The following SAGE1 variants were observed in gnomAD, a reference collection of about 807,000 sequenced individuals.
SAGE1 encodes the protein cancer/testis antigen 14.
A neutral mutation model predicts 55.4 loss-of-function variants in SAGE1; 55 were observed. That is an observed-to-expected ratio of 0.99 (90% CI 0.80 to 1.24). The LOEUF is 1.24. Among genes scored for constraint, SAGE1 ranks in the 50% most tolerant of loss-of-function variants. The probability of loss-of-function intolerance (pLI) is 0.00; values close to 1 mark genes in which losing one functional copy is unlikely to be tolerated. For missense variants in SAGE1, 710 were observed against 704.4 expected, an observed-to-expected ratio of 1.01 and a Z score of -0.09; for synonymous variants, 240 against 244.3, an observed-to-expected ratio of 0.98 and a Z score of 0.17.
At chrX:135,909,434 A>AC in intron 13 of SAGE1, among the ~76,000 whole-genome samples, 1 of 111,493 alleles carries the variant, frequency 9.0e-6, no homozygotes, top group Non-Finnish European at 1.9e-5. Context: ...CTTGACTTCC[A>AC]TACGCATGCA....
intron 8 of SAGE1, 83 bp downstream of exon 8, chrX:135,907,149 T>C: frequency 1.8e-6 from 2 of 1,081,171 alleles, no homozygotes; most frequent in Non-Finnish European, 2.5e-6. Context: ...GAGGTTTTGT[T>C]GTATCATCTA....
rs1556607217 is a variant in SAGE1, at chrX:135,912,885, G to A, written c.2703G>A (p.Met901Ile). The A allele has an allele frequency of 1.7e-6, 2 of 1,184,528 alleles. No individual in the cohort carries two copies. Among genetic ancestry groups the A allele is most frequent in the South Asian group, 3.6e-5 (2 of 55,810 alleles). Residue 901 changes from methionine (M) to isoleucine (I), a missense_variant, in exon 20 of 20, where the codon ATG becomes ATA. Physicochemically the swap from Met to Ile is conservative, Grantham distance 10. Transcript: ENST00000370709. Reference sequence around the variant, plus strand: ...GCCATCTCAGAAAAGTTAAGCACATGAGAAAAAGATAATTGTGTTAGTGCA... The same window carrying A: ...GCCATCTCAGAAAAGTTAAGCACATAAGAAAAAGATAATTGTGTTAGTGCA... The part of the protein sequence containing the change: ...SHCHLRKVKH[M>I]RKR
chrX:135,909,622 CT>C lies in SAGE1; in HGVS notation c.1583-14del. The C allele has an allele frequency of 8.4e-7, 1 of 1,190,098 alleles. No homozygotes were observed. Among genetic ancestry groups the C allele is most frequent in the African/African-American group, 1.7e-5 (1 of 57,374 alleles). ...ATGCACTTACGTCACAAGTCAACCT[CT>C]TTATTTGGTTTCCAGATGCTACCGT... On this transcript the variant is annotated splice_polypyrimidine_tract_variant and intron_variant, in intron 13 of 19. Transcript: ENST00000370709.
rs782697750 is a variant in SAGE1, at chrX:135,911,702, C to A, written c.2270C>A (p.Pro757His). ...AATATGACAGGACATTGTATGCCAC[C>A]CAATGCATTGGATTCTTTCTCTCAC... ...LINMTGHCMPPNALDSFSHDF... is the reference protein window; with the variant it reads ...LINMTGHCMPHNALDSFSHDF... Residue 757 changes from proline (P) to histidine (H), a missense_variant, in exon 18 of 20, where the codon CCC (proline) becomes CAC (histidine). Coordinates refer to ENST00000370709, the MANE Select transcript of SAGE1 (RefSeq NM_001381902.1). 8.3e-7 allele frequency: 1 copy of A among 1,205,739 alleles called. No individual in the cohort carries two copies. Among genetic ancestry groups the A allele is most frequent in the Admixed American group, 2.2e-5 (1 of 46,019 alleles).
At chrX:135,898,150 T>C (rs1461231560) in intron 2 of SAGE1, among the ~76,000 whole-genome samples, 2 of 111,579 alleles carry the variant, frequency 1.8e-5, no homozygotes, top group African/African-American at 6.5e-5. Context: ...CCCGAGTAGC[T>C]GGTACTGCAA....
chrX:135,909,631 G>C lies in SAGE1; in HGVS notation c.1583-8G>C, dbSNP rs782735606. On this transcript the variant is annotated splice_region_variant and splice_polypyrimidine_tract_variant and intron_variant, in intron 13 of 19. Transcript: ENST00000370709. The stretch of plus-strand genomic sequence containing the variant: ...CGTCACAAGTCAACCTCTTTATTTG[G>C]TTTCCAGATGCTACCGTCACTCAAA... 4.2e-6 allele frequency: 5 copies of C among 1,189,849 alleles called. No homozygotes were observed. The highest frequency in any genetic ancestry group is 4.5e-6 in the Non-Finnish European group (4 of 885,220).
At chrX:135,903,772 TTATCA>T (rs2088726042) in intron 3 of SAGE1, among the ~76,000 whole-genome samples, 1 of 110,373 alleles carries the variant, frequency 9.1e-6, no homozygotes, top group Non-Finnish European at 1.9e-5. Flanking sequence ...CAAGTGAGAA[TTATCA>T]TCTTGCTGCC....
Position 135,907,304 on chromosome X carries a change from G to T in SAGE1, c.878-9G>T. The T allele has an allele frequency of 8.3e-7, 1 of 1,204,104 alleles. No homozygotes were observed. The highest frequency in any genetic ancestry group is 3.0e-5 in the East Asian group (1 of 33,697). ...TACTCACAGCTCAACCTCTTCATTT[G>T]TTTTCCAGATTCCACCGTCCCTCAC... On this transcript the variant is annotated splice_polypyrimidine_tract_variant and intron_variant, in intron 8 of 19. Coordinates refer to ENST00000370709, the MANE Select transcript of SAGE1 (RefSeq NM_001381902.1).
intron 3 of SAGE1, 133 bp from the exon 4 acceptor site, chrX:135,904,344 T>C: frequency 2.1e-6 from 1 of 483,301 alleles, no homozygotes; most frequent in South Asian, 3.4e-5. Context: ...ATTTTAGGGT[T>C]CTCAGATTGC....
intron 18 of SAGE1, 148 bp downstream of exon 18, chrX:135,912,101 A>C (rs2088908830): frequency 1.8e-6 from 2 of 1,100,792 alleles, no homozygotes; most frequent in Admixed American, 7.2e-5. Context: ...AATTTCACTG[A>C]AAATTGCTAA....
At chrX:135,897,478 C>A (rs1482823249) in intron 2 of SAGE1, among the ~76,000 whole-genome samples, 8 of 111,861 alleles carry the variant, frequency 7.2e-5, no homozygotes, top group Non-Finnish European at 1.3e-4. Context: ...TGAGTTAATA[C>A]ATGTAAAGCA....
At position 135,907,798 on chromosome X, in the gene SAGE1, T is replaced by C. The variant is rs1427199035; in HGVS notation, c.1116T>C (p.Tyr372=). ...CAACTGTTCTACCAGGGCTTGCTTA[T>C]TTGGCAACAGCTGATATGCCAGCCA... The part of the protein sequence containing the change: ...ALSTVLPGLA[Y]LATADMPAMS... Residue 372 remains tyrosine (Y), a synonymous_variant, in exon 10 of 20, where the codon TAT becomes TAC. Coordinates refer to ENST00000370709, the MANE Select transcript of SAGE1 (RefSeq NM_001381902.1). 9.1e-6 allele frequency: 11 copies of C among 1,209,268 alleles called. No individual in the cohort carries two copies. The highest frequency in any genetic ancestry group is 1.2e-5 in the Non-Finnish European group (11 of 894,463).
At position 135,906,098 on chromosome X, in the gene SAGE1, A is replaced by G. The variant is rs377122684; in HGVS notation, c.529A>G (p.Thr177Ala). 8.3e-7 allele frequency: 1 copy of G among 1,205,618 alleles called. No homozygotes were observed. Among genetic ancestry groups the G allele is most frequent in the Non-Finnish European group, 1.1e-6 (1 of 891,606 alleles). ...GQPQPDNVLS[T>A]GPTGLINMAA... ...ACCCCAACCTGATAACGTCTTGTCA[A>G]CTGGTCCCACAGGGCTTATTAATAT... Residue 177 changes from threonine (T) to alanine (A), a missense_variant, in exon 6 of 20, where the codon ACT (threonine) becomes GCT (alanine). Physicochemically the swap from Thr to Ala is moderately conservative, Grantham distance 58 (BLOSUM62 0). Transcript: ENST00000370709.
Position 135,906,031 on chromosome X carries a change from C to T in SAGE1, c.462C>T (p.Thr154=), listed in dbSNP as rs184259780. 17 of 1,198,921 alleles carry T rather than the reference C, an allele frequency of 1.4e-5. No individual in the cohort carries two copies. The highest frequency in any genetic ancestry group is 3.7e-5 in the South Asian group (2 of 54,529). The change falls in exon 6 of 20, where the codon ACC becomes ACT. Residue 154 remains threonine (T), a synonymous_variant. Transcript: ENST00000370709. ...TCTTCATTTGGTTTCCAGATTCTAC[C>T]GTCACTCACAATATCCGTGAAGAGA... ...PSMSTRDLHS[T]VTHNIREERM...
chrX:135,906,032 G>A lies in SAGE1; in HGVS notation c.463G>A (p.Val155Ile), dbSNP rs781802263. Residue 155 changes from valine (V) to isoleucine (I), a missense_variant, in exon 6 of 20, where the codon GTC (valine) becomes ATC (isoleucine). By Grantham distance (29) the Val-to-Ile change is conservative (BLOSUM62 3). Transcript: ENST00000370709. ...CTTCATTTGGTTTCCAGATTCTACC[G>A]TCACTCACAATATCCGTGAAGAGAG... ...SMSTRDLHST[V>I]THNIREERME... 1.9e-5 allele frequency: 23 copies of A among 1,199,866 alleles called. No homozygotes were observed. Among genetic ancestry groups the A allele is most frequent in the African/African-American group, 8.8e-5 (5 of 56,531 alleles).
intron 2 of SAGE1, among the ~76,000 whole-genome samples, chrX:135,897,287 T>C (rs1341767043): frequency 8.9e-6 from 1 of 112,620 alleles, no homozygotes; most frequent in Non-Finnish European, 1.9e-5. Context: ...AGATTGCATC[T>C]GCACTAGGAC....
At chrX:135,894,230 G>A (rs1344788628) in intron 1 of SAGE1, among the ~76,000 whole-genome samples, 6 of 111,524 alleles carry the variant, frequency 5.4e-5, no homozygotes, top group South Asian at 3.8e-4. Flanking sequence ...GCGCCACCAC[G>A]CCCAGCTAAT....
At chrX:135,907,976 A>T in intron 10 of SAGE1, 113 bp from the exon 11 acceptor site, 4 of 1,054,124 alleles carry the variant, frequency 3.8e-6, no homozygotes, top group Non-Finnish European at 3.9e-6. Flanking sequence ...TCCCTGGTAT[A>T]TCCTAGTTCC....
In SAGE1 at chrX:135,911,394, C is replaced by T. The variant is rs1489642455; in HGVS notation, c.2146+62C>T. 3.5e-5 allele frequency: 39 copies of T among 1,100,956 alleles called. No individual in the cohort carries two copies. In the African/African-American group the frequency reaches 7.0e-4, roughly 20 times the overall value. 90.7% of individuals were successfully genotyped at this position (1,100,956 alleles called of 1,213,427 possible). ...TTCCATATGCATGCATAGTGTCCTG[C>T]AGGGAAGAAGGTGGTTTTGTTGTAT... On this transcript the variant is annotated intron_variant, in intron 17 of 19. Transcript: ENST00000370709.
Sources: allele counts gnomAD v4.1 joint callset (sites outside exome capture counted in the v4.1 genomes callset), GRCh38; gene constraint gnomAD v4.1.1; transcripts MANE v1.5; gene names NCBI Gene and HGNC (gene_info 2026-07-23, HGNC 2026-07-21).